The following PRCC variants were observed in gnomAD, a reference collection of about 807,000 sequenced individuals.
PRCC encodes the protein proline-rich protein PRCC.
In PRCC, 10 loss-of-function variants were observed where a neutral mutation model predicts 44.0. The ratio of observed to expected loss-of-function variants is 0.23; its 90% CI spans 0.14 to 0.39. PRCC has a LOEUF of 0.39. Ranked by LOEUF, PRCC falls within the 10% of genes least tolerant of loss-of-function variation. The pLI, the probability that PRCC is intolerant of heterozygous loss-of-function variation, is 1.00. For missense variants in PRCC, 573 were observed against 624.7 expected (o/e 0.92, Z 0.88); for synonymous variants, 278 against 259.5 (o/e 1.07, Z -0.69).
At chr1:156,799,127 GCAC>G (rs2102776580) in intron 6 of PRCC, among the ~76,000 whole-genome samples, 1 of 152,200 alleles carries the variant, frequency 6.6e-6, no homozygotes, top group Admixed American at 6.5e-5. Context: ...ACTACAAATG[GCAC>G]CATGTATGAT....
intron 6 of PRCC, among the ~76,000 whole-genome samples, chr1:156,799,286 C>T (rs1435874115): frequency 1.3e-5 from 2 of 151,934 alleles, no homozygotes; most frequent in African/African-American, 2.4e-5. Context: ...TTTAGTATTT[C>T]TAAGTTACAC....
intron 6 of PRCC, among the ~76,000 whole-genome samples, chr1:156,798,086 G>T (rs763331448): frequency 3.3e-5 from 5 of 151,992 alleles, no homozygotes; most frequent in Non-Finnish European, 5.9e-5. Context: ...TGGGACCACA[G>T]GTGTGTGCCA....
At chr1:156,769,122 C>T (rs1651529384) in intron 1 of PRCC, among the ~76,000 whole-genome samples, 1 of 152,310 alleles carries the variant, frequency 6.6e-6, no homozygotes. Flanking sequence ...AATTACTTAC[C>T]GGAGAGAAAT....
At chr1:156,787,471 A>ATATATATATATATT (rs1652305260) in intron 3 of PRCC, among the ~76,000 whole-genome samples, 1 of 4,006 alleles carries the variant, frequency 2.5e-4, no homozygotes, top group African/African-American at 3.6e-4. Context: ...ATATATATAT[A>ATATATATATATATT]TATATATATA....
intron 3 of PRCC, among the ~76,000 whole-genome samples, chr1:156,789,869 G>A (rs889753232): frequency 1.3e-5 from 2 of 152,254 alleles, no homozygotes; most frequent in Non-Finnish European, 2.9e-5. Flanking sequence ...TTCACCTGTT[G>A]TTTGGAAGAG....
At position 156,787,146 on chromosome 1, in the gene PRCC, A is replaced by T. The variant is rs1171462406; in HGVS notation, c.1055A>T (p.Asp352Val). ...YSYNQFSTYG[D>V]ANAAGAYYQD... ...TACAATCAGTTTTCCACATATGGCG[A>T]TGCCAATGCCGCTGGTGCTTATTAT... The change falls in exon 3 of 7, where the codon GAT becomes GTT. Residue 352 changes from aspartate to valine, a missense_variant. This residue lies in a region of PRCC where 141 missense variants were observed against 130.2 expected (regional missense o/e 1.08). Transcript: ENST00000271526. The T allele has an allele frequency of 1.2e-6, 2 of 1,608,900 alleles. No homozygotes were observed. The highest frequency in any genetic ancestry group is 1.7e-5 in the Admixed American group (1 of 59,850).
intron 6 of PRCC, among the ~76,000 whole-genome samples, chr1:156,798,725 T>C (rs1016805893): frequency 6.6e-6 from 1 of 151,400 alleles, no homozygotes; most frequent in Non-Finnish European, 1.5e-5. Context: ...GCGTGGTGCC[T>C]GTAATTCCAG....
At chr1:156,795,527 A>AC (rs1352619064) in intron 5 of PRCC, among the ~76,000 whole-genome samples, 1 of 151,598 alleles carries the variant, frequency 6.6e-6, no homozygotes, top group Admixed American at 6.6e-5. Context: ...TGATCCACCT[A>AC]CCCTGGCCTT....
At chr1:156,768,519 C>A (rs1558043612) in intron 1 of PRCC, among the ~76,000 whole-genome samples, 1 of 152,194 alleles carries the variant, frequency 6.6e-6, no homozygotes, top group African/African-American at 2.4e-5. Flanking sequence ...ATCCGCTCCC[C>A]CTTCTTTGCA....
chr1:156,779,770 G>A (rs1266049549), intron 1 of PRCC, among the ~76,000 whole-genome samples: 1 of 151,634 alleles, frequency 6.6e-6, no homozygotes, highest in Non-Finnish European at 1.5e-5. Flanking sequence ...TTAGAGGTGG[G>A]GGGGTCTCAC....
chr1:156,785,261 C>T (rs1652195762), intron 2 of PRCC, among the ~76,000 whole-genome samples: 1 of 152,054 alleles, frequency 6.6e-6, no homozygotes, highest in African/African-American at 2.4e-5. Flanking sequence ...CCTGTAATCC[C>T]AGCACTTTGG....
chr1:156,770,613 G>A (rs1651598456), intron 1 of PRCC, among the ~76,000 whole-genome samples: 1 of 152,224 alleles, frequency 6.6e-6, no homozygotes, highest in Non-Finnish European at 1.5e-5. Context: ...GACCTCAGGT[G>A]ATCTGACCAC....
intron 3 of PRCC, among the ~76,000 whole-genome samples, chr1:156,788,752 C>T (rs1395852818): frequency 6.0e-5 from 9 of 150,728 alleles, no homozygotes; most frequent in African/African-American, 2.0e-4. Flanking sequence ...AACTCTGCCT[C>T]CCAGGTTCAA....
chr1:156,790,642 AAGAT>A (rs1652442315), intron 3 of PRCC, among the ~76,000 whole-genome samples: 1 of 152,236 alleles, frequency 6.6e-6, no homozygotes, highest in Non-Finnish European at 1.5e-5. Flanking sequence ...AGGATGGAGA[AAGAT>A]AGTGTTTTTA....
At position 156,786,774 on chromosome 1, in the gene PRCC, C is replaced by G. The variant is rs1652259566; in HGVS notation, c.683C>G (p.Ser228Cys). ...SRLASKTKTS[S>C]LAPVVGTTTT... is the part of the protein sequence containing the mutation. The stretch of plus-strand genomic sequence containing the variant: ...CTGGCTTCTAAGACCAAGACTTCCT[C>G]TCTTGCCCCTGTTGTGGGCACCACA... Residue 228 changes from serine to cysteine, a missense_variant, in exon 3 of 7, where the codon TCT becomes TGT. Physicochemically the swap from Ser to Cys is moderately radical, Grantham distance 112. Transcript: ENST00000271526. The G allele has an allele frequency of 6.2e-7, 1 of 1,614,112 alleles. No homozygotes were observed. The highest frequency in any genetic ancestry group is 1.3e-5 in the African/African-American group (1 of 74,946).
chr1:156,799,533 G>C (rs1385679661), intron 6 of PRCC, among the ~76,000 whole-genome samples: 1 of 152,162 alleles, frequency 6.6e-6, no homozygotes, highest in Admixed American at 6.5e-5. Context: ...TCTGGTTGGT[G>C]ATTTCATGGC....
rs1480416736 is a variant in PRCC, at chr1:156,768,064, C to G, written c.293C>G (p.Pro98Arg). The G allele has an allele frequency of 6.3e-7, 1 of 1,591,276 alleles. No individual in the cohort carries two copies. Among genetic ancestry groups the G allele is most frequent in the Non-Finnish European group, 8.6e-7 (1 of 1,168,312 alleles). ...TTCCCCCCACCTCCAGGCGTGAGCC[C>G]GGCTGAAGCGGCGGGAGTTGGGGAG... ...GGFPPPPGVS[P>R]AEAAGVGEGL... is the part of the protein sequence containing the mutation. The change falls in exon 1 of 7, where the codon CCG becomes CGG. Residue 98 changes from proline (P) to arginine (R), a missense_variant. Around this residue, in one of 4 missense-constraint regions of PRCC, gnomAD observed 245 missense variants for 188.5 expected, o/e 1.30. Transcript: ENST00000271526.
At chr1:156,780,655 G>A (rs1652020389) in intron 1 of PRCC, among the ~76,000 whole-genome samples, 1 of 151,800 alleles carries the variant, frequency 6.6e-6, no homozygotes, top group African/African-American at 2.4e-5. Context: ...CCTCTATATG[G>A]TTTTCCGTAA....
chr1:156,799,548 C>G lies in PRCC; in HGVS notation c.1390-826C>G, dbSNP rs536934081. Among the ~76,000 whole-genome samples the G allele has an allele frequency of 2.0e-5, 3 of 152,294 alleles. No homozygotes were observed. In the South Asian group the frequency reaches 6.2e-4, roughly 32 times the overall value. On this transcript the variant is annotated intron_variant, in intron 6 of 6. Transcript: ENST00000271526. ...TCTGGTTGGTGATTTCATGGCAAATCTTGCTTTCATTGTTTTTGTCATATT... is the reference window on the plus strand; with the variant it reads ...TCTGGTTGGTGATTTCATGGCAAATGTTGCTTTCATTGTTTTTGTCATATT...
Sources: allele counts gnomAD v4.1 joint callset (sites outside exome capture counted in the v4.1 genomes callset), GRCh38; gene constraint gnomAD v4.1.1; regional missense constraint gnomAD v4.1.1; transcripts MANE v1.5; gene names NCBI Gene and HGNC (gene_info 2026-07-23, HGNC 2026-07-21).